Variants in DOCK10 observed in about 807,000 individuals in gnomAD.
DOCK10 encodes the protein dedicator of cytokinesis protein 10.
A neutral mutation model predicts 280.1 loss-of-function variants in DOCK10; 145 were observed. The observed-to-expected ratio is 0.52, with a 90% CI of 0.45 to 0.59. The LOEUF (loss-of-function observed/expected upper bound fraction) is 0.59. Among genes scored for constraint, DOCK10 ranks in the 20% least tolerant of loss-of-function variants. The pLI is 0.00. For synonymous variants in DOCK10, 915 were observed against 942.2 expected, an observed-to-expected ratio of 0.97 and a Z score of 0.53; for missense variants, 2,368 against 2,651.7, an observed-to-expected ratio of 0.89 and a Z score of 2.35.
At chr2:224,879,924 T>C (rs1698879031) in intron 7 of DOCK10, among the ~76,000 whole-genome samples, 1 of 151,796 alleles carries the variant, frequency 6.6e-6, no homozygotes, top group Non-Finnish European at 1.5e-5. Context: ...ATGAAAGAAT[T>C]TGAGTGATGA....
chr2:224,854,686 A>G (rs1216268787), intron 16 of DOCK10, among the ~76,000 whole-genome samples: 1 of 152,208 alleles, frequency 6.6e-6, no homozygotes, highest in Non-Finnish European at 1.5e-5. Flanking sequence ...CATGGTGCAT[A>G]CCAGGTAAGT....
At chr2:224,862,998 CT>C (rs1217398018) in intron 13 of DOCK10, among the ~76,000 whole-genome samples, 1 of 152,094 alleles carries the variant, frequency 6.6e-6, no homozygotes, top group East Asian at 1.9e-4. Flanking sequence ...GGAATATCAA[CT>C]TTTTTCCTTT....
chr2:224,797,562 A>T (rs558581601), intron 42 of DOCK10, among the ~76,000 whole-genome samples: 3 of 152,204 alleles, frequency 2.0e-5, no homozygotes, highest in East Asian at 3.9e-4. Flanking sequence ...ATTTTACCTA[A>T]CTTGGTGCCG....
At chr2:224,917,727 T>TA (rs1197400890) in intron 2 of DOCK10, among the ~76,000 whole-genome samples, 1 of 152,168 alleles carries the variant, frequency 6.6e-6, no homozygotes, top group Non-Finnish European at 1.5e-5. Context: ...AAGTACTTCT[T>TA]AAAACAAAAC....
At chr2:224,985,922 T>C (rs1705962505) in intron 1 of DOCK10, among the ~76,000 whole-genome samples, 2 of 152,364 alleles carry the variant, frequency 1.3e-5, no homozygotes, top group South Asian at 4.1e-4. Context: ...AAATAAATAA[T>C]GTCCATTGAA....
chr2:224,958,677 T>TA lies in DOCK10; in HGVS notation c.124-27010dup, dbSNP rs879270883. Among the ~76,000 whole-genome samples the TA allele has an allele frequency of 6.2e-3, 896 of 145,192 alleles. 6 individuals carry two copies. The highest frequency in any genetic ancestry group is 0.02 in the African/African-American group (777 of 39,704). On this transcript the variant is annotated intron_variant, in intron 1 of 55. Transcript: ENST00000258390. ...CAAGTTTTAACCAATATCATATGTTTAAAAAAAAAAAAGAACTTTTCATGG... is the reference window on the plus strand; with the variant it reads ...CAAGTTTTAACCAATATCATATGTTTAAAAAAAAAAAAAGAACTTTTCATGG...
At chr2:225,028,478 C>T (rs1475910079) in intron 1 of DOCK10, among the ~76,000 whole-genome samples, 1 of 152,106 alleles carries the variant, frequency 6.6e-6, no homozygotes, top group Non-Finnish European at 1.5e-5. Flanking sequence ...CTTGCTGATA[C>T]CTTGATTTTA....
chr2:224,972,723 G>C (rs901897374), intron 1 of DOCK10, among the ~76,000 whole-genome samples: 1 of 152,014 alleles, frequency 6.6e-6, no homozygotes, highest in Non-Finnish European at 1.5e-5. Flanking sequence ...TCAAGCTTTT[G>C]TTCCTTATAA....
At chr2:224,816,964 T>C (rs1457840597) in intron 29 of DOCK10, among the ~76,000 whole-genome samples, 1 of 152,168 alleles carries the variant, frequency 6.6e-6, no homozygotes, top group Non-Finnish European at 1.5e-5. Context: ...GTAGCTTCTA[T>C]GAGATAAGAT....
chr2:224,963,993 ATTC>A (rs1428562215), intron 1 of DOCK10, among the ~76,000 whole-genome samples: 1 of 137,228 alleles, frequency 7.3e-6, no homozygotes, highest in African/African-American at 2.8e-5. Context: ...TTGGTCTAAA[ATTC>A]TTTTTTTTTT....
chr2:224,853,624 C>T (rs778925040), intron 16 of DOCK10, among the ~76,000 whole-genome samples: 2 of 152,216 alleles, frequency 1.3e-5, no homozygotes, highest in Non-Finnish European at 2.9e-5. Flanking sequence ...TGAAGCCCCT[C>T]TCTTCATCAG....
intron 1 of DOCK10, among the ~76,000 whole-genome samples, chr2:225,014,788 T>C (rs986479588): frequency 1.3e-5 from 2 of 152,226 alleles, no homozygotes; most frequent in African/African-American, 4.8e-5. Flanking sequence ...AATACATTAG[T>C]TCTCTCATAA....
At chr2:224,912,720 C>T (rs1004617897) in intron 3 of DOCK10, among the ~76,000 whole-genome samples, 1 of 151,890 alleles carries the variant, frequency 6.6e-6, no homozygotes, top group Non-Finnish European at 1.5e-5. Context: ...GCTTTTTTCT[C>T]CTAACAATAT....
At chr2:224,861,491 A>T (rs1287445336) in intron 14 of DOCK10, 1 of 152,222 alleles carries the variant, frequency 6.6e-6, no homozygotes, top group Non-Finnish European at 1.5e-5. Context: ...TGGAGACTGC[A>T]TGAATCTATC....
At chr2:224,967,211 T>C (rs1178477099) in intron 1 of DOCK10, among the ~76,000 whole-genome samples, 6 of 151,968 alleles carry the variant, frequency 3.9e-5, no homozygotes, top group Non-Finnish European at 5.9e-5. Flanking sequence ...TCCCGAGTAG[T>C]TGGGACTACA....
rs114099686 is a variant in DOCK10 at position 225,040,972 on chromosome 2, C to T, written c.123+1280G>A. ...TAACAGTTGAACCACCTCTGGGTAA[C>T]TGCGGACTGCAGCTAGTGTAAGTGC... On this transcript the variant is annotated intron_variant, in intron 1 of 55. Coordinates refer to ENST00000258390, the MANE Select transcript of DOCK10 (RefSeq NM_014689.3). Among the ~76,000 whole-genome samples the T allele has an allele frequency of 3.9e-3, 594 of 152,260 alleles. 5 individuals carry two copies. The highest frequency in any genetic ancestry group is 0.014 in the African/African-American group (573 of 41,550).
At chr2:224,830,030 T>C (rs1050134903) in intron 27 of DOCK10, among the ~76,000 whole-genome samples, 6 of 152,216 alleles carry the variant, frequency 3.9e-5, no homozygotes, top group African/African-American at 1.2e-4. Flanking sequence ...TATAAAGAGT[T>C]GCTGTATCTT....
chr2:224,836,820 C>T (rs1165767432), intron 25 of DOCK10, among the ~76,000 whole-genome samples: 2 of 152,022 alleles, frequency 1.3e-5, no homozygotes, highest in African/African-American at 2.4e-5. Flanking sequence ...AGGATGGTCT[C>T]AATCTCCTGA....
chr2:224,885,585 C>G (rs368511971), intron 7 of DOCK10, 86 bp downstream of exon 7: 2 of 1,352,208 alleles, frequency 1.5e-6, no homozygotes, highest in East Asian at 2.6e-5. Flanking sequence ...CAGCTCTTGG[C>G]TCATATCAGA....
Sources: allele counts gnomAD v4.1 joint callset (sites outside exome capture counted in the v4.1 genomes callset), GRCh38; gene constraint gnomAD v4.1.1; transcripts MANE v1.5; gene names NCBI Gene and HGNC (gene_info 2026-07-23, HGNC 2026-07-21).